SLC15A1: variants seen among roughly 807,000 people sequenced by gnomAD.
The protein encoded by SLC15A1 is solute carrier family 15 member 1.
In SLC15A1, 83 loss-of-function variants were observed where a neutral mutation model predicts 92.9. That is an observed-to-expected ratio of 0.89 (90% CI 0.75 to 1.07). The LOEUF (loss-of-function observed/expected upper bound fraction) is 1.07, where lower values mean the gene tolerates loss of function less well. Among genes scored for constraint, SLC15A1 ranks in the 50% least tolerant of loss-of-function variants. The pLI, the probability that SLC15A1 is intolerant of heterozygous loss-of-function variation, is 0.00. For synonymous variants in SLC15A1, 322 were observed against 318.2 expected (o/e 1.01, Z -0.13); for missense variants, 857 against 880.1 (o/e 0.97, Z 0.33).
rs553745057 is a variant in SLC15A1 at position 98,752,110 on chromosome 13, G to C, written c.4+485C>G. ...ATTAAGCCAGGGGACAGTGCAGAGG[G>C]TTAAGAGGGGGCCACAAAGAGAGGC... is the stretch of plus-strand genomic sequence containing the variant. On this transcript the variant is annotated intron_variant, in intron 1 of 22. Transcript: ENST00000376503. Among the ~76,000 whole-genome samples, 8 of 152,350 alleles carry C rather than the reference G, an allele frequency of 5.3e-5. No individual in the cohort carries two copies. The East Asian group carries it at 1.5e-3, about 29-fold the overall frequency.
At chr13:98,717,998 AC>A (rs1467056689) in intron 8 of SLC15A1, among the ~76,000 whole-genome samples, 2 of 150,906 alleles carry the variant, frequency 1.3e-5, no homozygotes, top group Non-Finnish European at 3.0e-5. Context: ...CCTCGAATAG[AC>A]ATATATGTTC....
chr13:98,744,240 CAA>C (rs898374872), intron 1 of SLC15A1, among the ~76,000 whole-genome samples: 5 of 42,358 alleles, frequency 1.2e-4, no homozygotes, highest in South Asian at 1.8e-3. Flanking sequence ...GACTCTGTCT[CAA>C]AAAAAAAAAA....
rs1403177347 is a variant in SLC15A1 at position 98,684,748 on chromosome 13, C to G, written c.2103G>C (p.Gly701=). 1 of 1,613,944 alleles carries G rather than the reference C, an allele frequency of 6.2e-7. No individual in the cohort carries two copies. The highest frequency in any genetic ancestry group is 8.5e-7 in the Non-Finnish European group (1 of 1,179,994). ...TTCACATCTGTTTCTGTGAATTGGCCCCTGACATGAAATATGGGTTACTCT... is the reference window on the plus strand; with the variant it reads ...TTCACATCTGTTTCTGTGAATTGGCGCCTGACATGAAATATGGGTTACTCT... ...LEKSNPYFMS[G]ANSQKQM Residue 701 remains glycine, a synonymous_variant, in exon 23 of 23, where the codon GGG becomes GGC. Transcript: ENST00000376503.
intron 18 of SLC15A1, 46 bp from the exon 19 acceptor site, chr13:98,688,623 A>AT: frequency 7.2e-7 from 1 of 1,391,704 alleles, no homozygotes; most frequent in Non-Finnish European, 1.0e-6. Context: ...AGAGAATAAT[A>AT]TATTCTAGGT....
At chr13:98,690,631 T>G (rs922353983) in intron 18 of SLC15A1, among the ~76,000 whole-genome samples, 1 of 152,106 alleles carries the variant, frequency 6.6e-6, no homozygotes, top group African/African-American at 2.4e-5. Flanking sequence ...TCCGAGTAAC[T>G]TAATGATGGG....
rs556747416 is a variant in SLC15A1 at position 98,707,765 on chromosome 13, C to T, written c.1149+921G>A. Among the ~76,000 whole-genome samples, 76 of 151,916 alleles carry T rather than the reference C, an allele frequency of 5.0e-4. No individual in the cohort carries two copies. The South Asian group carries it at 5.2e-3, about 10-fold the overall frequency. On this transcript the variant is annotated intron_variant, in intron 15 of 22. Transcript: ENST00000376503. ...AATAAATTAGTCGAGTGTGGTGGTG[C>T]ATGCCTACAGTCCTAGCTACTCAGG... is the stretch of plus-strand genomic sequence containing the variant.
rs1158553820 is a variant in SLC15A1, at chr13:98,709,619, G to A, written c.1020C>T (p.Phe340=). The change falls in exon 14 of 23, where the codon TTC becomes TTT. Residue 340 remains phenylalanine (F), a synonymous_variant. Transcript: ENST00000376503. ...AILIVIMVPI[F]DAVLYPLIAK... Reference sequence around the variant, plus strand: ...CAATGAGAGGGTACAGCACAGCATCGAAGATCGGGACCATGATCACGATCA... The same window carrying A: ...CAATGAGAGGGTACAGCACAGCATCAAAGATCGGGACCATGATCACGATCA... 3.7e-6 allele frequency: 6 copies of A among 1,614,012 alleles called. No homozygotes were observed. The highest frequency in any genetic ancestry group is 1.3e-5 in the African/African-American group (1 of 74,918).
chr13:98,722,328 G>A (rs2088267455), intron 5 of SLC15A1, among the ~76,000 whole-genome samples: 1 of 152,192 alleles, frequency 6.6e-6, no homozygotes, highest in Non-Finnish European at 1.5e-5. Context: ...GGAATATCAG[G>A]TTAGGTAGTA....
chr13:98,712,929 A>G (rs1390737206), intron 9 of SLC15A1, among the ~76,000 whole-genome samples: 4 of 152,248 alleles, frequency 2.6e-5, no homozygotes, highest in Non-Finnish European at 5.9e-5. Context: ...TTTGTATAAC[A>G]TGATAAACCC....
chr13:98,713,942 G>T (rs2088189495), intron 9 of SLC15A1, among the ~76,000 whole-genome samples: 1 of 151,770 alleles, frequency 6.6e-6, no homozygotes. Flanking sequence ...TGCTATTTGG[G>T]AGGCTGAGGC....
chr13:98,722,700 T>C (rs2088270123), intron 5 of SLC15A1, among the ~76,000 whole-genome samples: 1 of 152,220 alleles, frequency 6.6e-6, no homozygotes, highest in East Asian at 1.9e-4. Flanking sequence ...CCTGAACCAA[T>C]CTTCCTGAAT....
At chr13:98,726,652 G>T in intron 2 of SLC15A1, 191 bp downstream of exon 2, 1 of 743,212 alleles carries the variant, frequency 1.3e-6, no homozygotes, top group Non-Finnish European at 2.4e-6. Context: ...AAAGCATCCA[G>T]TGGTATTGTT....
chr13:98,696,997 C>G (rs1328815740), intron 18 of SLC15A1, among the ~76,000 whole-genome samples: 1 of 152,060 alleles, frequency 6.6e-6, no homozygotes, highest in Non-Finnish European at 1.5e-5. Flanking sequence ...GAAACCAGCC[C>G]TTCTGGCATC....
chr13:98,684,590 AATAG>A lies in SLC15A1; in HGVS notation c.*130_*133del. The A allele has an allele frequency of 1.9e-6, 1 of 539,806 alleles. No individual in the cohort carries two copies. Among genetic ancestry groups the A allele is most frequent in the Non-Finnish European group, 3.2e-6 (1 of 311,012 alleles). 33.4% of individuals were successfully genotyped at this position (539,806 alleles called of 1,614,324 possible). On this transcript the variant is annotated 3_prime_UTR_variant, in exon 23 of 23. Transcript: ENST00000376503. Reference sequence around the variant, plus strand: ...AAAAGAAAAGAAAAAGAAAAAAGAAAATAGCATTCATGGTTTAGTTCCCAATTCT... The same window carrying A: ...AAAAGAAAAGAAAAAGAAAAAAGAAACATTCATGGTTTAGTTCCCAATTCT...
At chr13:98,726,814 A>G (rs750626403) in intron 2 of SLC15A1, 29 bp downstream of exon 2, 37 of 1,605,036 alleles carry the variant, frequency 2.3e-5, no homozygotes, top group Non-Finnish European at 4.3e-6. Context: ...CAAGATGAAG[A>G]TATGTAGAGA....
intron 15 of SLC15A1, among the ~76,000 whole-genome samples, chr13:98,706,808 T>TACGTGA (rs1469413372): frequency 6.6e-6 from 1 of 152,170 alleles, no homozygotes; most frequent in Non-Finnish European, 1.5e-5. Context: ...AATGGACTAA[T>TACGTGA]ACGTGAACGA....
At chr13:98,700,884 T>C (rs889259744) in intron 18 of SLC15A1, among the ~76,000 whole-genome samples, 3 of 152,220 alleles carry the variant, frequency 2.0e-5, no homozygotes, top group African/African-American at 4.8e-5. Context: ...TATTCATTCA[T>C]GTATGGGTCT....
rs2087915366 is a variant in SLC15A1, at chr13:98,684,573, AGAAAAAG to A, written c.*144_*150del. 2 of 489,036 alleles carry A rather than the reference AGAAAAAG, an allele frequency of 4.1e-6. No homozygotes were observed. Among genetic ancestry groups the A allele is most frequent in the Non-Finnish European group, 3.5e-6 (1 of 282,508 alleles). 30.3% of individuals were successfully genotyped at this position (489,036 alleles called of 1,614,324 possible). On this transcript the variant is annotated 3_prime_UTR_variant, in exon 23 of 23. Transcript: ENST00000376503. ...AAAAAAAAAAAAAAAAAAAAAGAAA[AGAAAAAG>A]AAAAAAGAAAATAGCATTCATGGTT...
intron 18 of SLC15A1, among the ~76,000 whole-genome samples, chr13:98,690,610 T>C (rs778517385): frequency 2.6e-5 from 4 of 152,040 alleles, no homozygotes; most frequent in African/African-American, 4.8e-5. Flanking sequence ...CGACAAGAAA[T>C]GAAAACACAG....
Sources: allele counts gnomAD v4.1 joint callset (sites outside exome capture counted in the v4.1 genomes callset), GRCh38; gene constraint gnomAD v4.1.1; transcripts MANE v1.5; gene names NCBI Gene and HGNC (gene_info 2026-07-23, HGNC 2026-07-21).